Variants in SUGP1 observed in about 807,000 individuals in gnomAD.
SUGP1 encodes the protein SURP and G-patch domain containing 1, also known as SURP and G-patch domain-containing protein 1.
Under a neutral mutation model 76.5 loss-of-function variants are expected in SUGP1, and 34 were observed. The ratio of observed to expected loss-of-function variants is 0.44; its 90% CI spans 0.34 to 0.59. The LOEUF is 0.59. Ranked by LOEUF, SUGP1 falls within the 20% of genes least tolerant of loss-of-function variation. The pLI is 0.01. For synonymous variants in SUGP1, 326 were observed against 326.2 expected (o/e 1.00, Z 0.01); for missense variants, 752 against 851.7 (o/e 0.88, Z 1.46).
rs1271153601 is a variant in SUGP1, at chr19:19,302,380, G to C, written c.772C>G (p.Pro258Ala). The change falls in exon 7 of 14, where the codon CCA becomes GCA. Residue 258 changes from proline (P) to alanine (A), a missense_variant. By Grantham distance (27) the Pro-to-Ala change is conservative. This residue lies in a region of SUGP1 where 620 missense variants were observed against 617.3 expected (regional missense o/e 1.00). Coordinates refer to ENST00000247001, the MANE Select transcript of SUGP1 (RefSeq NM_172231.4). ...SQAASQKVSP[P>A]EDEEVKNLAE... ...AGGTTCTTGACCTCTTCGTCCTCTGGGGGTGAAACTTTAAGCAGGCTGTCA... is the reference window on the plus strand; with the variant it reads ...AGGTTCTTGACCTCTTCGTCCTCTGCGGGTGAAACTTTAAGCAGGCTGTCA... The C allele has an allele frequency of 1.9e-6, 3 of 1,614,036 alleles. No homozygotes were observed. In the South Asian group the frequency reaches 3.3e-5, roughly 18 times the overall value.
chr19:19,294,294 C>A (rs962844108), intron 8 of SUGP1, among the ~76,000 whole-genome samples: 1 of 151,928 alleles, frequency 6.6e-6, no homozygotes, highest in African/African-American at 2.4e-5. Context: ...GAGGCCAAGG[C>A]AGGAGGATTG....
chr19:19,282,259 C>T (rs866114195), intron 8 of SUGP1, among the ~76,000 whole-genome samples: 3 of 151,184 alleles, frequency 2.0e-5, no homozygotes, highest in East Asian at 4.0e-4. Flanking sequence ...GGATTACAGG[C>T]GTGAGCCACC....
At chr19:19,317,230 T>A (rs1360826304) in intron 1 of SUGP1, among the ~76,000 whole-genome samples, 5 of 151,170 alleles carry the variant, frequency 3.3e-5, no homozygotes, top group Admixed American at 6.6e-5. Context: ...CATATGCAGG[T>A]AGGACAGGCA....
intron 8 of SUGP1, among the ~76,000 whole-genome samples, chr19:19,287,244 C>G (rs1264755355): frequency 6.6e-6 from 1 of 152,128 alleles, no homozygotes; most frequent in Admixed American, 6.6e-5. Context: ...TCACTCCAGC[C>G]TGGGTGACAG....
At chr19:19,278,578 CCTG>C (rs2061072265) in intron 11 of SUGP1, 109 bp downstream of exon 11, 2 of 893,020 alleles carry the variant, frequency 2.2e-6, no homozygotes, top group African/African-American at 3.3e-5. Flanking sequence ...AGGCCTGGCT[CCTG>C]CTGTGATCGA....
At chr19:19,280,566 G>A (rs923648190) in intron 8 of SUGP1, 7 of 414,040 alleles carry the variant, frequency 1.7e-5, no homozygotes, top group East Asian at 8.1e-5. Context: ...CAGAGGTTCC[G>A]GGACTCACTC....
In SUGP1 at chr19:19,299,539, AT is replaced by A. The variant is rs36109106; in HGVS notation, c.888-2196del. Among the ~76,000 whole-genome samples, 425 of 141,678 alleles carry A rather than the reference AT, an allele frequency of 3.0e-3. 2 individuals carry two copies. The highest frequency in any genetic ancestry group is 5.7e-3 in the African/African-American group (218 of 38,442). The allele number at this position is 141,678 out of a possible 152,430, so 92.9% of individuals were successfully genotyped here. A position where few individuals can be genotyped will look rare whatever the true frequency, so the allele number is the denominator to read the frequency against. ...AGACGCCCGCCACCACACCCGGCTA[AT>A]TTTTTTTTTTTTTTGTATTTTTTAG... On this transcript the variant is annotated intron_variant, in intron 7 of 13. Transcript: ENST00000247001.
Position 19,316,536 on chromosome 19 carries a change from T to C in SUGP1, c.92A>G (p.Asn31Ser), listed in dbSNP as rs758981874. ...APPKSGKMNM[N>S]ILHQEELIAQ... is the part of the protein sequence containing the mutation. Reference sequence around the variant, plus strand: ...GATGAGCTCTTCCTGGTGAAGGATGTTCATGTTCATTTTTCCAGATTTAGG... The same window carrying C: ...GATGAGCTCTTCCTGGTGAAGGATGCTCATGTTCATTTTTCCAGATTTAGG... Residue 31 changes from asparagine to serine, a missense_variant, in exon 2 of 14, where the codon AAC becomes AGC. Physicochemically the swap from Asn to Ser is conservative, Grantham distance 46. Around this residue, in one of 2 missense-constraint regions of SUGP1, gnomAD observed 620 missense variants for 617.3 expected, o/e 1.00. Coordinates refer to ENST00000247001, the MANE Select transcript of SUGP1 (RefSeq NM_172231.4). 7 of 1,613,944 alleles carry C rather than the reference T, an allele frequency of 4.3e-6. No individual in the cohort carries two copies. The highest frequency in any genetic ancestry group is 3.3e-5 in the Admixed American group (2 of 59,948).
chr19:19,278,723 C>T lies in SUGP1; in HGVS notation c.1602G>A (p.Leu534=). 1.2e-6 allele frequency: 2 copies of T among 1,613,932 alleles called. No individual in the cohort carries two copies. Among genetic ancestry groups the T allele is most frequent in the Non-Finnish European group, 1.7e-6 (2 of 1,179,938 alleles). ...FIGDFLPPDE[L]EKFMETFKAL... ...CCTTGAAGGTCTCCATAAACTTTTC[C>T]AGCTCGTCTGGAGGCAGGAAGTCTC... The change falls in exon 11 of 14, where the codon CTG becomes CTA. Residue 534 remains leucine, a synonymous_variant. Transcript: ENST00000247001.
rs990314561 is a variant in SUGP1, at chr19:19,306,053, C to T, written c.334G>A (p.Ala112Thr). ...STDAPTSAPSAPPSTPTPSAG... is the reference protein window; with the variant it reads ...STDAPTSAPSTPPSTPTPSAG... ...CTGGGGGTGGGTGTGCTGGGAGGGGCGCTGGGCGCACTGGTCGGGGCGTCT... is the reference window on the plus strand; with the variant it reads ...CTGGGGGTGGGTGTGCTGGGAGGGGTGCTGGGCGCACTGGTCGGGGCGTCT... The change falls in exon 4 of 14, where the codon GCC becomes ACC. Residue 112 changes from alanine to threonine, a missense_variant. Physicochemically the swap from Ala to Thr is moderately conservative, Grantham distance 58 (BLOSUM62 0). This residue lies in a region of SUGP1 where 620 missense variants were observed against 617.3 expected (regional missense o/e 1.00). Coordinates refer to ENST00000247001, the MANE Select transcript of SUGP1 (RefSeq NM_172231.4). 9.3e-6 allele frequency: 15 copies of T among 1,605,406 alleles called. No individual in the cohort carries two copies. The highest frequency in any genetic ancestry group is 1.3e-5 in the Non-Finnish European group (15 of 1,176,068).
At chr19:19,283,269 G>T (rs2061114261) in intron 8 of SUGP1, among the ~76,000 whole-genome samples, 1 of 152,042 alleles carries the variant, frequency 6.6e-6, no homozygotes, top group African/African-American at 2.4e-5. Flanking sequence ...GATGGTAGAT[G>T]AAATCTTTTT....
intron 8 of SUGP1, among the ~76,000 whole-genome samples, chr19:19,290,152 C>T (rs2061170310): frequency 6.6e-6 from 1 of 152,098 alleles, no homozygotes; most frequent in African/African-American, 2.4e-5. Flanking sequence ...GAGATGGTGG[C>T]ACACTGAGAC....
At position 19,314,427 on chromosome 19, in the gene SUGP1, G is replaced by A. The variant is rs146098704; in HGVS notation, c.206+1995C>T. ...TGTTGCAGAGTTATGAGTGACTTTG[G>A]TTTTTTGTTTACCCCTCTTCTACTT... On this transcript the variant is annotated intron_variant, in intron 2 of 13. Coordinates refer to ENST00000247001, the MANE Select transcript of SUGP1 (RefSeq NM_172231.4). Among the ~76,000 whole-genome samples the A allele has an allele frequency of 2.6e-4, 40 of 152,152 alleles. No individual in the cohort carries two copies. The East Asian group carries it at 7.1e-3, about 27-fold the overall frequency.
At position 19,316,510 on chromosome 19, in the gene SUGP1, C is replaced by T. The variant is rs199730578; in HGVS notation, c.118G>A (p.Ala40Thr). ...MNILHQEELI[A>T]QKKREIEAKM... ...GCTTCAATTTCCCGTTTCTTCTGAG[C>T]GATGAGCTCTTCCTGGTGAAGGATG... The change falls in exon 2 of 14, where the codon GCT becomes ACT. Residue 40 changes from alanine to threonine, a missense_variant. By Grantham distance (58) the Ala-to-Thr change is moderately conservative. This residue lies in a region of SUGP1 where 620 missense variants were observed against 617.3 expected (regional missense o/e 1.00). Coordinates refer to ENST00000247001, the MANE Select transcript of SUGP1 (RefSeq NM_172231.4). The T allele has an allele frequency of 1.3e-5, 21 of 1,613,758 alleles. No homozygotes were observed. The highest frequency in any genetic ancestry group is 1.6e-5 in the Non-Finnish European group (19 of 1,180,026).
At position 19,303,418 on chromosome 19, in the gene SUGP1, G is replaced by A. The variant is rs2061287720; in HGVS notation, c.693C>T (p.Phe231=). ...CAGCCACCTTCTTCCTGTAGTAGAG[G>A]AATTCCCTGCTATTCTTATCGTGCA... ...AFLHDKNSRE[F]LYYRKKVAEI... Residue 231 remains phenylalanine (F), a synonymous_variant, in exon 6 of 14, where the codon TTC becomes TTT. Coordinates refer to ENST00000247001, the MANE Select transcript of SUGP1 (RefSeq NM_172231.4). 1.2e-6 allele frequency: 2 copies of A among 1,614,124 alleles called. No homozygotes were observed. The highest frequency in any genetic ancestry group is 1.7e-6 in the Non-Finnish European group (2 of 1,180,016).
chr19:19,282,074 G>A (rs979284670), intron 8 of SUGP1, among the ~76,000 whole-genome samples: 7 of 152,158 alleles, frequency 4.6e-5, no homozygotes, highest in African/African-American at 2.4e-5. Flanking sequence ...CCGCCTCCCA[G>A]GATCAAGCAA....
intron 8 of SUGP1, among the ~76,000 whole-genome samples, chr19:19,291,420 G>A (rs1052965553): frequency 1.6e-4 from 25 of 152,192 alleles, no homozygotes; most frequent in Admixed American, 1.5e-3. Flanking sequence ...TGTAACTAAC[G>A]ACTGAAAATA....
At chr19:19,306,227 T>C (rs1370075440) in intron 3 of SUGP1, 151 bp from the exon 4 acceptor site, 1 of 697,668 alleles carries the variant, frequency 1.4e-6, no homozygotes, top group Non-Finnish European at 2.3e-6. Context: ...ATTTTACAGA[T>C]GGGGACAGTG....
chr19:19,302,441 T>C, intron 6 of SUGP1, 53 bp from the exon 7 acceptor site: 1 of 1,590,636 alleles, frequency 6.3e-7, no homozygotes, highest in Non-Finnish European at 8.6e-7. Flanking sequence ...AACAGCCTAA[T>C]TTCTGCTAAG....
Sources: gnomAD v4.1 joint callset for allele counts (sites outside exome capture counted in the v4.1 genomes callset) on GRCh38, gnomAD v4.1.1 for gene constraint, gnomAD v4.1.1 regional missense constraint, MANE v1.5 for transcripts, NCBI Gene and HGNC (gene_info 2026-07-23, HGNC 2026-07-21) for gene names.